The following CDK14 variants were observed in gnomAD, a reference collection of about 807,000 sequenced individuals.
The protein encoded by CDK14 is cyclin-dependent kinase 14.
Under a neutral mutation model 60.7 loss-of-function variants are expected in CDK14, and 34 were observed. That is an observed-to-expected ratio of 0.56 (90% CI 0.43 to 0.75). The LOEUF is 0.75. Among genes scored for constraint, CDK14 ranks in the 30% least tolerant of loss-of-function variants. CDK14 has a pLI of 0.00. For missense variants in CDK14, 482 were observed against 564.1 expected, an observed-to-expected ratio of 0.85 and a Z score of 1.47; for synonymous variants, 197 against 203.7, an observed-to-expected ratio of 0.97 and a Z score of 0.28.
Position 90,668,708 on chromosome 7 carries a change from T to A in CDK14, c.124-57859T>A, listed in dbSNP as rs917086792. On this transcript the variant is annotated intron_variant, in intron 2 of 14. Transcript: ENST00000380050. ...AGGAAGGACTCGCATTCTTTTTTTTTTTTTTTTTTTTTTTTTTTCAACTGG... is the reference window on the plus strand; with the variant it reads ...AGGAAGGACTCGCATTCTTTTTTTTATTTTTTTTTTTTTTTTTTCAACTGG... Among the ~76,000 whole-genome samples, 654 of 65,720 alleles carry A rather than the reference T, an allele frequency of 1.0e-2. 14 individuals carry two copies. The highest frequency in any genetic ancestry group is 0.043 in the African/African-American group (560 of 13,006). The allele number at this position is 65,720 out of a possible 152,430, so 43.1% of individuals were successfully genotyped here. A position where few individuals can be genotyped will look rare whatever the true frequency, so the allele number is the denominator to read the frequency against.
intron 14 of CDK14, among the ~76,000 whole-genome samples, chr7:91,148,602 T>C (rs1359337058): frequency 6.6e-6 from 1 of 152,158 alleles, no homozygotes. Context: ...TGAGCCATAG[T>C]GTCCACTCTT....
chr7:90,869,320 G>A (rs941326843), intron 6 of CDK14, among the ~76,000 whole-genome samples: 38 of 152,314 alleles, frequency 2.5e-4, no homozygotes, highest in African/African-American at 6.5e-4. Flanking sequence ...AGATGAAAGA[G>A]GGAGATGCAC....
Position 90,761,331 on chromosome 7 carries a change from G to T in CDK14, c.464+13556G>T, listed in dbSNP as rs542117434. On this transcript the variant is annotated intron_variant, in intron 4 of 14. Coordinates refer to ENST00000380050, the MANE Select transcript of CDK14 (RefSeq NM_001287135.2). ...GGTGGAAATGGAGGCACTCTTTGGGGTTTTTTTTTTTTTAAAGAGTTAGTG... is the reference window on the plus strand; with the variant it reads ...GGTGGAAATGGAGGCACTCTTTGGGTTTTTTTTTTTTTTAAAGAGTTAGTG... Among the ~76,000 whole-genome samples the T allele has an allele frequency of 1.4e-4, 20 of 144,840 alleles. No homozygotes were observed. The South Asian group carries it at 1.7e-3, about 13-fold the overall frequency.
At chr7:90,766,923 G>C (rs1804587444) in intron 4 of CDK14, among the ~76,000 whole-genome samples, 1 of 152,280 alleles carries the variant, frequency 6.6e-6, no homozygotes, top group Middle Eastern at 3.4e-3. Context: ...TGCACGGCCA[G>C]CTCTCCCTTG....
intron 5 of CDK14, among the ~76,000 whole-genome samples, chr7:90,846,225 G>A (rs1228522909): frequency 6.6e-6 from 1 of 152,072 alleles, no homozygotes; most frequent in East Asian, 1.9e-4. Context: ...TTCCTCCAGA[G>A]CAGCTCATGT....
chr7:91,102,334 G>A (rs1327451800), intron 12 of CDK14, among the ~76,000 whole-genome samples: 1 of 152,100 alleles, frequency 6.6e-6, no homozygotes, highest in Non-Finnish European at 1.5e-5. Context: ...ATAGTATCCC[G>A]TCACCATATA....
intron 11 of CDK14, among the ~76,000 whole-genome samples, chr7:91,050,911 T>C (rs547909865): frequency 1.3e-5 from 2 of 152,322 alleles, no homozygotes. Flanking sequence ...CATGTCTCCG[T>C]GGGTCTTAGT....
chr7:90,642,083 A>G (rs1003226658), intron 2 of CDK14, among the ~76,000 whole-genome samples: 2 of 152,240 alleles, frequency 1.3e-5, no homozygotes, highest in African/African-American at 4.8e-5. Flanking sequence ...TATGGGAGCT[A>G]CAAGATGAGA....
At chr7:91,163,937 A>G (rs1801253942) in intron 14 of CDK14, among the ~76,000 whole-genome samples, 1 of 152,228 alleles carries the variant, frequency 6.6e-6, no homozygotes, top group African/African-American at 2.4e-5. Context: ...TTTAGGGTCC[A>G]AGGCATGGGC....
intron 4 of CDK14, among the ~76,000 whole-genome samples, chr7:90,752,788 A>C (rs1292674081): frequency 6.6e-6 from 1 of 152,190 alleles, no homozygotes; most frequent in Non-Finnish European, 1.5e-5. Flanking sequence ...CCAAGTTAAC[A>C]CAATCAGAAA....
intron 14 of CDK14, among the ~76,000 whole-genome samples, chr7:91,124,618 A>G (rs1205219353): frequency 1.3e-5 from 2 of 151,770 alleles, no homozygotes; most frequent in African/African-American, 4.8e-5. Context: ...AATTGACTAT[A>G]TTTTTGTGAA....
At chr7:90,871,748 G>A (rs965569851) in intron 6 of CDK14, among the ~76,000 whole-genome samples, 2 of 152,166 alleles carry the variant, frequency 1.3e-5, no homozygotes, top group African/African-American at 2.4e-5. Context: ...ATACCATGAC[G>A]TAGATGTAAG....
chr7:90,792,542 A>G (rs868767734), intron 5 of CDK14, among the ~76,000 whole-genome samples: 10 of 152,128 alleles, frequency 6.6e-5, no homozygotes, highest in Non-Finnish European at 1.3e-4. Flanking sequence ...TTCTCCCTGT[A>G]TTAGTAATAG....
intron 10 of CDK14, among the ~76,000 whole-genome samples, chr7:91,026,504 C>G (rs1174813064): frequency 2.0e-5 from 3 of 152,204 alleles, no homozygotes; most frequent in Admixed American, 2.0e-4. Context: ...AGCCCAACCT[C>G]TGATGTGTTA....
At chr7:90,971,338 A>T (rs1794924958) in intron 9 of CDK14, among the ~76,000 whole-genome samples, 1 of 152,116 alleles carries the variant, frequency 6.6e-6, no homozygotes, top group Admixed American at 6.6e-5. Flanking sequence ...TCAGAGGTGA[A>T]GGTGATAAAT....
At chr7:91,035,885 G>C (rs1405910797) in intron 10 of CDK14, among the ~76,000 whole-genome samples, 2 of 120,872 alleles carry the variant, frequency 1.7e-5, no homozygotes, top group Non-Finnish European at 3.2e-5. Context: ...CGCCCAGGCC[G>C]GACTGCGGAC....
intron 2 of CDK14, among the ~76,000 whole-genome samples, chr7:90,625,766 T>C (rs948380647): frequency 3.9e-5 from 6 of 152,220 alleles, no homozygotes; most frequent in African/African-American, 1.4e-4. Context: ...TCCTAAGTGA[T>C]GGGATTGTTC....
chr7:91,157,994 T>C (rs1300162714), intron 14 of CDK14, among the ~76,000 whole-genome samples: 1 of 151,562 alleles, frequency 6.6e-6, no homozygotes, highest in Non-Finnish European at 1.5e-5. Flanking sequence ...AAAGCCATGA[T>C]GAGTTTCATA....
chr7:90,708,672 T>G (rs889616589), intron 2 of CDK14, among the ~76,000 whole-genome samples: 1 of 152,214 alleles, frequency 6.6e-6, no homozygotes, highest in African/African-American at 2.4e-5. Context: ...ACACTTTGCC[T>G]GAGGTTTCTC....
Sources: gnomAD v4.1 joint callset for allele counts (sites outside exome capture counted in the v4.1 genomes callset) on GRCh38, gnomAD v4.1.1 for gene constraint, MANE v1.5 for transcripts, NCBI Gene and HGNC (gene_info 2026-07-23, HGNC 2026-07-21) for gene names.